The following F9 variants were observed in gnomAD, a reference collection of about 807,000 sequenced individuals.
F9 encodes Christmas factor.
Under a neutral mutation model 34.1 loss-of-function variants are expected in F9, and 2 were observed. The observed-to-expected ratio is 0.06, with a 90% confidence interval of 0.02 to 0.18. The LOEUF is 0.18. Among genes scored for constraint, F9 ranks in the 10% least tolerant of loss-of-function variants. The pLI, the probability that F9 is intolerant of heterozygous loss-of-function variation, is 1.00. For missense variants in F9, 216 were observed against 345.1 expected (o/e 0.63, Z 2.96); for synonymous variants, 137 against 118.8 (o/e 1.15, Z -1.00).
rs140129925 is a variant in F9 at position 139,552,759 on chromosome X, C to T, written c.723+1495C>T. On this transcript the variant is annotated intron_variant, in intron 6 of 7. Coordinates refer to ENST00000218099, the MANE Select transcript of F9 (RefSeq NM_000133.4). ...ATAGTTTAGTGTAACTTAAAACTCCCTAGTTGCCACAGTCATGATTTAGTA... is the reference window on the plus strand; with the variant it reads ...ATAGTTTAGTGTAACTTAAAACTCCTTAGTTGCCACAGTCATGATTTAGTA... 4.8e-3 allele frequency among the ~76,000 whole-genome samples: 540 copies of T among 112,234 alleles called. 5 individuals carry two copies. The highest frequency in any genetic ancestry group is 6.6e-3 in the Non-Finnish European group (351 of 53,262).
chrX:139,541,873 G>A (rs765837808), intron 4 of F9, among the ~76,000 whole-genome samples: 17 of 111,610 alleles, frequency 1.5e-4, no homozygotes, highest in Middle Eastern at 4.6e-3. Context: ...TTTTTCCGAC[G>A]TTTCAGTAAT....
At position 139,561,805 on chromosome X, in the gene F9, G is replaced by A. The variant is rs137852271; in HGVS notation, c.1120G>A (p.Val374Ile). Residue 374 changes from valine (V) to isoleucine (I), a missense_variant, in exon 8 of 8, where the codon GTT becomes ATT. Transcript: ENST00000218099. ...RSALVLQYLRVPLVDRATCLR... is the reference protein window; with the variant it reads ...RSALVLQYLRIPLVDRATCLR... ...AGCTTTAGTTCTTCAGTACCTTAGA[G>A]TTCCACTTGTTGACCGAGCCACATG... is the stretch of plus-strand genomic sequence containing the variant. 2.5e-6 allele frequency: 3 copies of A among 1,210,191 alleles called. No homozygotes were observed. The highest frequency in any genetic ancestry group is 3.4e-6 in the Non-Finnish European group (3 of 895,336).
At chrX:139,560,324 A>G (rs1928069077) in intron 6 of F9, among the ~76,000 whole-genome samples, 1 of 112,039 alleles carries the variant, frequency 8.9e-6, no homozygotes, top group African/African-American at 3.2e-5. Context: ...AAAAAATTTC[A>G]TCATGTAGGT....
chrX:139,559,514 G>C (rs987944288), intron 6 of F9, among the ~76,000 whole-genome samples: 1 of 110,052 alleles, frequency 9.1e-6, no homozygotes, highest in East Asian at 2.8e-4. Context: ...CCTGGTGACA[G>C]GGCAAGACTC....
At chrX:139,532,610 T>C (rs936594412) in intron 1 of F9, among the ~76,000 whole-genome samples, 1 of 111,373 alleles carries the variant, frequency 9.0e-6, no homozygotes, top group Admixed American at 9.6e-5. Flanking sequence ...GGTTTCAATA[T>C]AATGTGATAA....
At chrX:139,557,475 A>T (rs577063105) in intron 6 of F9, among the ~76,000 whole-genome samples, 17 of 111,865 alleles carry the variant, frequency 1.5e-4, no homozygotes, top group South Asian at 7.6e-4. Context: ...AAAGTAGTAG[A>T]AGCTCCAGGA....
At chrX:139,552,542 A>G (rs189352863) in intron 6 of F9, among the ~76,000 whole-genome samples, 242 of 112,008 alleles carry the variant, frequency 2.2e-3, no homozygotes, top group African/African-American at 7.4e-3. Context: ...ATAGGTAACC[A>G]CTAGCCACAT....
chrX:139,544,386 G>C (rs1426040111), intron 4 of F9, among the ~76,000 whole-genome samples: 2 of 110,304 alleles, frequency 1.8e-5, no homozygotes, highest in Admixed American at 9.7e-5. Flanking sequence ...AGGACCAAGT[G>C]CCATCTTTTT....
Position 139,562,062 on chromosome X carries a change from G to A in F9, c.1377G>A (p.Lys459=). 1.7e-6 allele frequency: 2 copies of A among 1,209,686 alleles called. No individual in the cohort carries two copies. The highest frequency in any genetic ancestry group is 2.2e-6 in the Non-Finnish European group (2 of 893,862). Residue 459 remains lysine, a synonymous_variant, in exon 8 of 8, where the codon AAG becomes AAA. Coordinates refer to ENST00000218099, the MANE Select transcript of F9 (RefSeq NM_000133.4). ...RYVNWIKEKT[K]LT ...TCAACTGGATTAAGGAAAAAACAAA[G>A]CTCACTTAATGAAAGATGGATTTCC...
At chrX:139,560,340 G>A (rs1223716445) in intron 6 of F9, among the ~76,000 whole-genome samples, 2 of 111,848 alleles carry the variant, frequency 1.8e-5, no homozygotes, top group African/African-American at 6.5e-5. Context: ...TAGGTACAGG[G>A]AACACCCTAA....
intron 5 of F9, 52 bp from the exon 6 acceptor site, chrX:139,551,010 C>G (rs950778820): frequency 9.2e-7 from 1 of 1,092,467 alleles, no homozygotes; most frequent in Non-Finnish European, 1.3e-6. Context: ...AATACATGTT[C>G]CATTTGCCAA....
chrX:139,553,187 CCT>C (rs1267822579), intron 6 of F9, among the ~76,000 whole-genome samples: 1 of 111,561 alleles, frequency 9.0e-6, no homozygotes, highest in African/African-American at 3.3e-5. Flanking sequence ...CTTTTTACCT[CCT>C]CTGTTTCTAC....
intron 4 of F9, among the ~76,000 whole-genome samples, chrX:139,543,056 G>A (rs1318214721): frequency 9.1e-6 from 1 of 110,394 alleles, no homozygotes; most frequent in African/African-American, 3.3e-5. Flanking sequence ...ATTTAAGTTT[G>A]TTGCTTCAAA....
intron 1 of F9, 109 bp from the exon 2 acceptor site, chrX:139,536,901 T>C: frequency 8.4e-6 from 7 of 837,780 alleles, no homozygotes; most frequent in Non-Finnish European, 1.2e-5. Flanking sequence ...AAAGAGAAAT[T>C]GGCTTTCAGA....
intron 6 of F9, among the ~76,000 whole-genome samples, chrX:139,554,104 G>T (rs1036520719): frequency 1.8e-5 from 2 of 110,460 alleles, no homozygotes; most frequent in African/African-American, 6.6e-5. Context: ...AAGCAGAAAA[G>T]ACTATGAGAT....
Position 139,551,284 on chromosome X carries a change from T to G in F9, c.723+20T>G. 1 of 1,178,993 alleles carries G rather than the reference T, an allele frequency of 8.5e-7. No homozygotes were observed. Among genetic ancestry groups the G allele is most frequent in the Non-Finnish European group, 1.2e-6 (1 of 865,652 alleles). ...TGGCAGGTACTTTATACTGATGGTG[T>G]GTCAAAACTGGAGCTCAGCTGGCAA... On this transcript the variant is annotated intron_variant, in intron 6 of 7. Transcript: ENST00000218099.
intron 6 of F9, among the ~76,000 whole-genome samples, chrX:139,551,468 A>C (rs1165019115): frequency 1.1e-4 from 12 of 111,196 alleles, no homozygotes; most frequent in Admixed American, 4.8e-4. Flanking sequence ...ATACAGGTCA[A>C]GAAGAATTTG....
chrX:139,539,578 T>C (rs1310350913), intron 3 of F9, among the ~76,000 whole-genome samples: 5 of 112,634 alleles, frequency 4.4e-5, no homozygotes. Context: ...TTTAACGACA[T>C]GTCTCAGCAA....
At chrX:139,541,033 A>G in intron 3 of F9, 43 bp from the exon 4 acceptor site, 2 of 996,646 alleles carry the variant, frequency 2.0e-6, no homozygotes, top group Non-Finnish European at 2.8e-6. Context: ...CGGGCATTCT[A>G]AGCAGTTTAC....
Sources: gnomAD v4.1 joint callset for allele counts (sites outside exome capture counted in the v4.1 genomes callset) on GRCh38, gnomAD v4.1.1 for gene constraint, MANE v1.5 for transcripts, NCBI Gene and HGNC (gene_info 2026-07-23, HGNC 2026-07-21) for gene names.